The following ALK variants were observed in gnomAD, a reference collection of about 807,000 sequenced individuals.
ALK encodes the protein ALK receptor tyrosine kinase.
ALK carries 74 observed loss-of-function variants against 163.1 expected under a neutral mutation model. The observed-to-expected ratio is 0.45, with a 90% CI of 0.38 to 0.55. The LOEUF (loss-of-function observed/expected upper bound fraction) is 0.55. Among genes scored for constraint, ALK ranks in the 20% least tolerant of loss-of-function variants. The pLI is 0.00. For synonymous variants in ALK, 960 were observed against 843.2 expected (o/e 1.14, Z -2.40); for missense variants, 2,063 against 2,105.3 (o/e 0.98, Z 0.39).
At chr2:29,886,047 C>T (rs544680032) in intron 1 of ALK, among the ~76,000 whole-genome samples, 14 of 152,306 alleles carry the variant, frequency 9.2e-5, no homozygotes, top group Admixed American at 5.2e-4. Context: ...CCTCCTCCTC[C>T]TCAGCCTACT....
At position 29,292,684 on chromosome 2, in the gene ALK, C is replaced by T. The variant is rs746611643; in HGVS notation, c.1817+4204G>A. ...CTGTATTCAGAGGACATTGCCACTGCTCAAAACATCTTAGGCATTGCTCTT... is the reference window on the plus strand; with the variant it reads ...CTGTATTCAGAGGACATTGCCACTGTTCAAAACATCTTAGGCATTGCTCTT... On this transcript the variant is annotated intron_variant, in intron 9 of 28. Transcript: ENST00000389048. Among the ~76,000 whole-genome samples the T allele has an allele frequency of 2.6e-5, 4 of 152,206 alleles. 1 individual carries two copies. Among genetic ancestry groups the T allele is most frequent in the African/African-American group, 4.8e-5 (2 of 41,452 alleles).
intron 1 of ALK, among the ~76,000 whole-genome samples, chr2:29,745,458 AAC>A (rs1680184738): frequency 2.0e-5 from 3 of 152,128 alleles, no homozygotes; most frequent in Admixed American, 2.0e-4. Context: ...AAATGAGCAA[AAC>A]CTTCCCTCCC....
chr2:29,290,636 A>C (rs766283160), intron 9 of ALK, among the ~76,000 whole-genome samples: 1 of 152,258 alleles, frequency 6.6e-6, no homozygotes, highest in Non-Finnish European at 1.5e-5. Context: ...TGATCCTTAC[A>C]GCAGTGAACT....
intron 1 of ALK, among the ~76,000 whole-genome samples, chr2:29,751,051 C>A (rs1680351730): frequency 6.6e-6 from 1 of 152,024 alleles, no homozygotes; most frequent in Non-Finnish European, 1.5e-5. Flanking sequence ...GCCTGGGCAA[C>A]AGAGCAAGAC....
At chr2:29,765,321 AT>A (rs1342202136) in intron 1 of ALK, among the ~76,000 whole-genome samples, 2 of 151,652 alleles carry the variant, frequency 1.3e-5, no homozygotes, top group African/African-American at 4.8e-5. Context: ...TCTTATGGTA[AT>A]TCTCCCCTTC....
intron 19 of ALK, 102 bp from the exon 20 acceptor site, chr2:29,223,630 C>A (rs368452925): frequency 9.2e-7 from 1 of 1,086,258 alleles, no homozygotes; most frequent in East Asian, 2.5e-5. Context: ...TCCATATCCT[C>A]CCCTGAGCTC....
intron 3 of ALK, among the ~76,000 whole-genome samples, chr2:29,609,890 A>G (rs765916752): frequency 5.9e-5 from 9 of 152,068 alleles, no homozygotes; most frequent in African/African-American, 9.7e-5. Flanking sequence ...GACCTTCCCA[A>G]TGCAGTCCCA....
At chr2:29,809,956 G>C (rs1350396186) in intron 1 of ALK, among the ~76,000 whole-genome samples, 1 of 152,168 alleles carries the variant, frequency 6.6e-6, no homozygotes, top group East Asian at 1.9e-4. Context: ...AGTTTGACAA[G>C]TCCATGGATT....
At chr2:29,756,685 A>G (rs1225107695) in intron 1 of ALK, among the ~76,000 whole-genome samples, 1 of 151,916 alleles carries the variant, frequency 6.6e-6, no homozygotes, top group African/African-American at 2.4e-5. Context: ...CACCACCACG[A>G]CTGGCTAATT....
intron 4 of ALK, among the ~76,000 whole-genome samples, chr2:29,497,099 C>T (rs750338426): frequency 1.1e-4 from 16 of 152,006 alleles, no homozygotes; most frequent in Non-Finnish European, 1.2e-4. Context: ...GGTGAAACCC[C>T]GTCTCTACTA....
At chr2:29,811,685 G>C (rs1345863632) in intron 1 of ALK, among the ~76,000 whole-genome samples, 1 of 152,190 alleles carries the variant, frequency 6.6e-6, no homozygotes, top group Admixed American at 6.5e-5. Context: ...TGGCCAAACA[G>C]AGGATGGCAG....
chr2:29,421,358 C>T (rs1337808574), intron 4 of ALK, among the ~76,000 whole-genome samples: 2 of 151,486 alleles, frequency 1.3e-5, no homozygotes, highest in Admixed American at 1.3e-4. Flanking sequence ...GTACTCATTT[C>T]AGCTCCGTTA....
At chr2:29,693,371 A>T (rs182362496) in intron 3 of ALK, among the ~76,000 whole-genome samples, 59 of 151,262 alleles carry the variant, frequency 3.9e-4, no homozygotes, top group Non-Finnish European at 7.7e-4. Flanking sequence ...TATCCAGAAG[A>T]ATTCTGATGC....
rs141963154 is a variant in ALK, at chr2:29,261,360, C to A, written c.2042-10093G>T. On this transcript the variant is annotated intron_variant, in intron 11 of 28. Transcript: ENST00000389048. ...TTTTCAGTTTTGATATATGGGTGTT[C>A]TGTGCTTATGTAGGGATTTGGAAAG... Among the ~76,000 whole-genome samples, 422 of 151,584 alleles carry A rather than the reference C, an allele frequency of 2.8e-3. 1 individual carries two copies. The highest frequency in any genetic ancestry group is 9.7e-3 in the African/African-American group (400 of 41,242).
chr2:29,779,013 G>A (rs1019435849), intron 1 of ALK, among the ~76,000 whole-genome samples: 39 of 152,110 alleles, frequency 2.6e-4, no homozygotes, highest in African/African-American at 8.2e-4. Flanking sequence ...AAAATTAGCC[G>A]GGCGTGGTGG....
At chr2:29,419,475 C>A (rs187164141) in intron 4 of ALK, among the ~76,000 whole-genome samples, 2 of 151,308 alleles carry the variant, frequency 1.3e-5, no homozygotes, top group African/African-American at 4.9e-5. Flanking sequence ...GAGGTGAGGT[C>A]CTTCTGGGTG....
intron 3 of ALK, among the ~76,000 whole-genome samples, chr2:29,620,396 C>T (rs1013516400): frequency 6.6e-6 from 1 of 150,522 alleles, no homozygotes; most frequent in African/African-American, 2.4e-5. Flanking sequence ...AGGACCACAT[C>T]TTAACTAATT....
intron 3 of ALK, among the ~76,000 whole-genome samples, chr2:29,673,638 T>C (rs1231812189): frequency 4.0e-5 from 6 of 150,386 alleles, no homozygotes; most frequent in Non-Finnish European, 7.4e-5. Context: ...TTCTTTTGGC[T>C]TAGGATTGAC....
At chr2:29,461,446 T>C (rs1453473962) in intron 4 of ALK, among the ~76,000 whole-genome samples, 2 of 152,222 alleles carry the variant, frequency 1.3e-5, no homozygotes, top group Non-Finnish European at 2.9e-5. Context: ...GACTCTTTTG[T>C]TAAGGGCAAA....
Sources: allele counts gnomAD v4.1 joint callset (sites outside exome capture counted in the v4.1 genomes callset), GRCh38; gene constraint gnomAD v4.1.1; transcripts MANE v1.5; gene names NCBI Gene and HGNC (gene_info 2026-07-23, HGNC 2026-07-21).